Variants in NPAS3 observed in about 807,000 individuals in gnomAD.
NPAS3 encodes neuronal PAS domain protein 3.
NPAS3 carries 14 observed loss-of-function variants against 73.1 expected under a neutral mutation model. That is an observed-to-expected ratio of 0.19 (90% CI 0.13 to 0.30). The LOEUF (loss-of-function observed/expected upper bound fraction) is 0.30, where lower values mean the gene tolerates loss of function less well. Among genes scored for constraint, NPAS3 ranks in the 10% least tolerant of loss-of-function variants. NPAS3 has a pLI of 1.00. For missense variants in NPAS3, 1,096 were observed against 1,250.0 expected (o/e 0.88, Z 1.86); for synonymous variants, 620 against 541.5 (o/e 1.14, Z -2.01).
At chr14:33,525,067 A>G (rs973200230) in intron 4 of NPAS3, among the ~76,000 whole-genome samples, 4 of 152,172 alleles carry the variant, frequency 2.6e-5, no homozygotes, top group Admixed American at 6.5e-5. Context: ...TTTTTAGCAA[A>G]TGACTGACTA....
intron 1 of NPAS3, among the ~76,000 whole-genome samples, chr14:32,985,618 T>C (rs2038064735): frequency 1.3e-5 from 2 of 152,290 alleles, no homozygotes; most frequent in Middle Eastern, 3.4e-3. Flanking sequence ...CTAGGTATTA[T>C]GTTTAAAAAA....
At chr14:33,153,906 T>C (rs1242462297) in intron 2 of NPAS3, among the ~76,000 whole-genome samples, 1 of 152,150 alleles carries the variant, frequency 6.6e-6, no homozygotes, top group Middle Eastern at 3.2e-3. Flanking sequence ...CCACAAAAAG[T>C]TTCATGGCTG....
intron 4 of NPAS3, among the ~76,000 whole-genome samples, chr14:33,417,531 G>C (rs890058101): frequency 1.3e-5 from 2 of 151,996 alleles, no homozygotes; most frequent in African/African-American, 4.8e-5. Context: ...TCCTATTGAA[G>C]TGTTAGAAGA....
intron 7 of NPAS3, among the ~76,000 whole-genome samples, chr14:33,761,550 G>A (rs896813992): frequency 6.6e-6 from 1 of 152,002 alleles, no homozygotes; most frequent in Admixed American, 6.5e-5. Context: ...ACTCAAGGGG[G>A]TTTCAGGAGA....
chr14:33,271,437 G>A (rs1566744405), intron 3 of NPAS3, among the ~76,000 whole-genome samples: 1 of 148,228 alleles, frequency 6.7e-6, no homozygotes, highest in Non-Finnish European at 1.5e-5. Flanking sequence ...TCTGATTCCT[G>A]TGGCTAGCTG....
intron 7 of NPAS3, among the ~76,000 whole-genome samples, chr14:33,752,158 T>C (rs1267130301): frequency 6.6e-6 from 1 of 152,226 alleles, no homozygotes; most frequent in African/African-American, 2.4e-5. Context: ...GCATAGGCTT[T>C]ACCTTTCTAT....
At chr14:33,285,777 T>A (rs1183017194) in intron 3 of NPAS3, among the ~76,000 whole-genome samples, 1 of 152,218 alleles carries the variant, frequency 6.6e-6, no homozygotes, top group African/African-American at 2.4e-5. Context: ...CCCATTCCCC[T>A]ACCGTTGCTC....
intron 2 of NPAS3, among the ~76,000 whole-genome samples, chr14:33,186,646 G>A (rs1428375507): frequency 6.6e-6 from 1 of 152,138 alleles, no homozygotes; most frequent in East Asian, 1.9e-4. Flanking sequence ...ATCACCGCTT[G>A]TTCAGCTGTA....
intron 1 of NPAS3, among the ~76,000 whole-genome samples, chr14:32,972,031 T>C (rs2037452748): frequency 6.8e-6 from 1 of 146,270 alleles, no homozygotes; most frequent in African/African-American, 2.5e-5. Context: ...CTCCACCTCC[T>C]GGGTTCACGC....
Position 33,166,684 on chromosome 14 carries a change from G to A in NPAS3, c.141-48498G>A, listed in dbSNP as rs139940085. Among the ~76,000 whole-genome samples, 773 of 152,250 alleles carry A rather than the reference G, an allele frequency of 5.1e-3. 5 individuals carry two copies. The highest frequency in any genetic ancestry group is 0.017 in the African/African-American group (722 of 41,552). ...TGATAGACATATTGCCTTCATTTCA[G>A]TTCTCTTCTGATGCAGAATTATGGT... On this transcript the variant is annotated intron_variant, in intron 2 of 11. Coordinates refer to ENST00000356141, the Ensembl canonical transcript of NPAS3.
chr14:33,281,492 C>G (rs189602066), intron 3 of NPAS3, among the ~76,000 whole-genome samples: 468 of 152,074 alleles, frequency 3.1e-3, no homozygotes, highest in Middle Eastern at 0.01. Flanking sequence ...ATTAGCCGGG[C>G]GTGGTGGTGC....
At chr14:33,471,781 T>TG (rs1421124787) in intron 4 of NPAS3, among the ~76,000 whole-genome samples, 8 of 152,190 alleles carry the variant, frequency 5.3e-5, no homozygotes, top group African/African-American at 1.9e-4. Context: ...TACTGGTCCG[T>TG]GACCCATTAG....
intron 4 of NPAS3, among the ~76,000 whole-genome samples, chr14:33,389,026 T>A (rs1164855480): frequency 6.6e-6 from 1 of 152,130 alleles, no homozygotes; most frequent in East Asian, 1.9e-4. Flanking sequence ...TGCTATAGAC[T>A]CTCAAGCTTT....
intron 4 of NPAS3, among the ~76,000 whole-genome samples, chr14:33,440,127 A>G (rs957807043): frequency 2.6e-5 from 4 of 151,890 alleles, no homozygotes; most frequent in African/African-American, 7.3e-5. Flanking sequence ...AAAAAAAAAA[A>G]AAAAGAAAAA....
At chr14:33,244,123 G>T (rs1594489717) in intron 3 of NPAS3, among the ~76,000 whole-genome samples, 1 of 149,300 alleles carries the variant, frequency 6.7e-6, no homozygotes, top group African/African-American at 2.5e-5. Flanking sequence ...CAATTTTATT[G>T]ATATCTACAT....
At chr14:33,716,805 C>T (rs1237437209) in intron 6 of NPAS3, among the ~76,000 whole-genome samples, 1 of 151,992 alleles carries the variant, frequency 6.6e-6, no homozygotes, top group Admixed American at 6.6e-5. Flanking sequence ...TGTTTCTGAG[C>T]GCCGCCCCCA....
At chr14:33,557,755 G>A (rs989670098) in intron 4 of NPAS3, among the ~76,000 whole-genome samples, 1 of 152,206 alleles carries the variant, frequency 6.6e-6, no homozygotes, top group South Asian at 2.1e-4. Flanking sequence ...AGATCACGAG[G>A]TCAGGAGATC....
intron 5 of NPAS3, among the ~76,000 whole-genome samples, chr14:33,597,337 G>A (rs1212074845): frequency 6.6e-6 from 1 of 152,196 alleles, no homozygotes; most frequent in Non-Finnish European, 1.5e-5. Flanking sequence ...CTCATTTCAC[G>A]TATTTCAGTT....
At chr14:33,120,822 G>C (rs1446778545) in intron 2 of NPAS3, among the ~76,000 whole-genome samples, 1 of 152,104 alleles carries the variant, frequency 6.6e-6, no homozygotes, top group East Asian at 1.9e-4. Context: ...CACTAAAGGG[G>C]AAGGAGAAGT....
Sources: gnomAD v4.1 joint callset for allele counts (sites outside exome capture counted in the v4.1 genomes callset) on GRCh38, gnomAD v4.1.1 for gene constraint, MANE v1.5 for transcripts, NCBI Gene and HGNC (gene_info 2026-07-23, HGNC 2026-07-21) for gene names.